The following MAGI1 variants were observed in gnomAD, a reference collection of about 807,000 sequenced individuals.
MAGI1 encodes the protein membrane associated guanylate kinase, WW and PDZ domain containing 1, also known as membrane-associated guanylate kinase, WW and PDZ domain-containing protein 1.
Under a neutral mutation model 139.9 loss-of-function variants are expected in MAGI1, and 58 were observed. The observed-to-expected ratio is 0.41, with a 90% CI of 0.34 to 0.52. The LOEUF is 0.52. Ranked by LOEUF, MAGI1 falls within the 20% of genes least tolerant of loss-of-function variation. MAGI1 has a pLI of 0.12. For missense variants in MAGI1, 1,874 were observed against 1,901.6 expected, an observed-to-expected ratio of 0.99 and a Z score of 0.27; for synonymous variants, 812 against 737.9, an observed-to-expected ratio of 1.10 and a Z score of -1.63.
chr3:65,404,606 T>C (rs1326890935), intron 12 of MAGI1, among the ~76,000 whole-genome samples: 1 of 152,184 alleles, frequency 6.6e-6, no homozygotes, highest in East Asian at 1.9e-4. Flanking sequence ...TAGGCCCACA[T>C]GGTCATTAAA....
intron 4 of MAGI1, among the ~76,000 whole-genome samples, chr3:65,472,738 G>A (rs1248156456): frequency 6.6e-6 from 1 of 152,160 alleles, no homozygotes. Context: ...TAGGCTGAAG[G>A]GAGCTGGGCA....
At position 65,454,735 on chromosome 3, in the gene MAGI1, A is replaced by AAAC. The variant is rs5849672; in HGVS notation, c.960-1396_960-1395insGTT. ...ATCTTATTAATTGTCAAAAAAAAAA[A>AAAC]CATATGGCTTAAGAGAAAAACAGAA... On this transcript the variant is annotated intron_variant, in intron 5 of 22. Coordinates refer to ENST00000402939, the MANE Select transcript of MAGI1 (RefSeq NM_001033057.2). 1.0e-3 allele frequency among the ~76,000 whole-genome samples: 153 copies of AAAC among 149,368 alleles called. 2 individuals carry two copies. The Middle Eastern group carries it at 0.014, about 14-fold the overall frequency.
chr3:65,461,171 T>G (rs1949755422), intron 5 of MAGI1, among the ~76,000 whole-genome samples: 1 of 152,136 alleles, frequency 6.6e-6, no homozygotes, highest in Admixed American at 6.6e-5. Context: ...ACCAACAGTG[T>G]AAAAGCATCT....
intron 7 of MAGI1, among the ~76,000 whole-genome samples, chr3:65,443,249 A>G (rs917600714): frequency 6.6e-6 from 1 of 152,142 alleles, no homozygotes; most frequent in Non-Finnish European, 1.5e-5. Flanking sequence ...TTAATGTTTC[A>G]TTTTCAGTAC....
At chr3:65,936,508 A>G (rs566429774) in intron 1 of MAGI1, among the ~76,000 whole-genome samples, 1 of 151,840 alleles carries the variant, frequency 6.6e-6, no homozygotes, top group African/African-American at 2.4e-5. Flanking sequence ...TGTGGCTGGT[A>G]CACGCCTGTA....
chr3:65,691,415 A>C (rs2107564680), intron 1 of MAGI1, among the ~76,000 whole-genome samples: 1 of 152,252 alleles, frequency 6.6e-6, no homozygotes, highest in East Asian at 1.9e-4. Context: ...AAATAGCAAA[A>C]ACCACAATTA....
chr3:65,456,375 T>G (rs1386393184), intron 5 of MAGI1, among the ~76,000 whole-genome samples: 2 of 152,112 alleles, frequency 1.3e-5, no homozygotes, highest in African/African-American at 4.8e-5. Context: ...ATGAATGGTT[T>G]GATATTTTTT....
chr3:65,749,363 G>C (rs2035957164), intron 1 of MAGI1, among the ~76,000 whole-genome samples: 2 of 152,158 alleles, frequency 1.3e-5, no homozygotes, highest in Admixed American at 6.5e-5. Context: ...TTGCAAAACT[G>C]TTCTGTGGCA....
chr3:65,478,471 T>G (rs1207243105), intron 4 of MAGI1, 121 bp downstream of exon 4: 1 of 889,948 alleles, frequency 1.1e-6, no homozygotes, highest in Non-Finnish European at 1.8e-6. Context: ...GGTCCAAGTT[T>G]GAATTTTGGC....
chr3:65,470,105 C>T lies in MAGI1; in HGVS notation c.959+178G>A, dbSNP rs1205090014. ...TATGCTTCCTCAAACTGTTGAGAAT[C>T]GATAAGTTGGTAATAATTAATTACC... On this transcript the variant is annotated intron_variant, in intron 5 of 22. Coordinates refer to ENST00000402939, the MANE Select transcript of MAGI1 (RefSeq NM_001033057.2). 3.0e-5 allele frequency: 16 copies of T among 533,154 alleles called. No homozygotes were observed. In the Middle Eastern group the frequency reaches 1.5e-3, roughly 50 times the overall value. 33.0% of individuals were successfully genotyped at this position (533,154 alleles called of 1,614,324 possible). A position where few individuals can be genotyped will look rare whatever the true frequency, so the allele number is the denominator to read the frequency against.
chr3:65,478,672 T>G lies in MAGI1; in HGVS notation c.677A>C (p.Asn226Thr), dbSNP rs772547083. ...GACTATGCCAGCATTTTGCATATCA[T>G]TGTAGGACTTGGTTCGCTTCGGGGT... ...QSTPKRTKSYNDMQNAGIVHA... is the reference protein window; with the variant it reads ...QSTPKRTKSYTDMQNAGIVHA... Residue 226 changes from asparagine to threonine, a missense_variant, in exon 4 of 23, where the codon AAT becomes ACT. Around this residue, in one of 5 missense-constraint regions of MAGI1, gnomAD observed 648 missense variants for 598.1 expected, o/e 1.08. Transcript: ENST00000402939. 6.2e-7 allele frequency: 1 copy of G among 1,614,104 alleles called. No homozygotes were observed. The highest frequency in any genetic ancestry group is 1.7e-5 in the Admixed American group (1 of 60,002).
At chr3:65,488,530 G>C (rs1355244303) in intron 3 of MAGI1, among the ~76,000 whole-genome samples, 1 of 151,616 alleles carries the variant, frequency 6.6e-6, no homozygotes, top group East Asian at 2.0e-4. Context: ...TGGTACAGAG[G>C]GGATTTTACC....
chr3:65,935,506 T>C (rs1018651887), intron 1 of MAGI1, among the ~76,000 whole-genome samples: 6 of 152,130 alleles, frequency 3.9e-5, no homozygotes, highest in Admixed American at 6.6e-5. Context: ...CCTGTGGTCC[T>C]AGCTACTCGG....
chr3:65,977,388 G>A (rs987697153), intron 1 of MAGI1, among the ~76,000 whole-genome samples: 12 of 152,032 alleles, frequency 7.9e-5, no homozygotes, highest in East Asian at 5.8e-4. Context: ...TCACGCCACC[G>A]CTCAGCTGGA....
At chr3:65,549,415 C>A in intron 2 of MAGI1, 2 of 985,072 alleles carry the variant, frequency 2.0e-6, no homozygotes, top group Non-Finnish European at 2.4e-6. Context: ...TACCTGCGGG[C>A]CCCGGAGCGG....
At chr3:66,008,088 G>C (rs2067127975) in intron 1 of MAGI1, among the ~76,000 whole-genome samples, 1 of 151,940 alleles carries the variant, frequency 6.6e-6, no homozygotes, top group African/African-American at 2.4e-5. Context: ...GTACAGATGG[G>C]GTTCCACCAT....
chr3:65,832,941 G>A (rs1165187025), intron 1 of MAGI1, among the ~76,000 whole-genome samples: 1 of 152,138 alleles, frequency 6.6e-6, no homozygotes, highest in Non-Finnish European at 1.5e-5. Flanking sequence ...GATTAAATAT[G>A]CATTCTTACT....
intron 2 of MAGI1, among the ~76,000 whole-genome samples, chr3:65,557,306 C>T (rs1462852148): frequency 6.6e-6 from 1 of 152,214 alleles, no homozygotes; most frequent in East Asian, 1.9e-4. Flanking sequence ...GCGAAGCCTG[C>T]TACCACGTGG....
intron 1 of MAGI1, among the ~76,000 whole-genome samples, chr3:65,637,885 T>C (rs932850027): frequency 8.5e-5 from 13 of 152,208 alleles, no homozygotes; most frequent in Non-Finnish European, 1.9e-4. Context: ...TTATCTTGTT[T>C]ATTGTCTGTC....
Sources: allele counts gnomAD v4.1 joint callset (sites outside exome capture counted in the v4.1 genomes callset), GRCh38; gene constraint gnomAD v4.1.1; regional missense constraint gnomAD v4.1.1; transcripts MANE v1.5; gene names NCBI Gene and HGNC (gene_info 2026-07-23, HGNC 2026-07-21).